The following TENM2 variants were observed in gnomAD, a reference collection of about 807,000 sequenced individuals.
TENM2 encodes the protein teneurin transmembrane protein 2.
TENM2 carries 52 observed loss-of-function variants against 245.2 expected under a neutral mutation model. The ratio of observed to expected loss-of-function variants is 0.21; its 90% CI spans 0.17 to 0.27. TENM2 has a LOEUF of 0.27. Ranked by LOEUF, TENM2 falls within the 10% of genes least tolerant of loss-of-function variation. The pLI is 1.00. For synonymous variants in TENM2, 1,363 were observed against 1,438.9 expected (o/e 0.95, Z 1.19); for missense variants, 3,046 against 3,666.8 (o/e 0.83, Z 4.37).
chr5:167,181,468 GT>G, the TENM2 span, among the ~76,000 whole-genome samples: 19 of 111,580 alleles, frequency 1.7e-4, no homozygotes, highest in African/African-American at 7.9e-4. Context: ...CCGCTCGTTT[GT>G]GTGTGTGTGT....
At chr5:167,222,678 A>G in the TENM2 span, among the ~76,000 whole-genome samples, 1 of 152,192 alleles carries the variant, frequency 6.6e-6, no homozygotes, top group Non-Finnish European at 1.5e-5. Context: ...TGCACAATAA[A>G]TTTATAGTCT....
At chr5:168,042,470 A>T in intron 5 of TENM2, among the ~76,000 whole-genome samples, 1 of 152,006 alleles carries the variant, frequency 6.6e-6, no homozygotes, top group East Asian at 1.9e-4. Flanking sequence ...GCCAATGAAC[A>T]CAGAAGGTTC....
intron 1 of TENM2, among the ~76,000 whole-genome samples, chr5:167,331,235 C>CAA (rs34787036): frequency 0.015 from 1,243 of 85,258 alleles, 51 homozygotes; most frequent in African/African-American, 0.044. Flanking sequence ...GACTCTGTCT[C>CAA]AAAAAAAAAA....
intron 10 of TENM2, among the ~76,000 whole-genome samples, chr5:168,123,434 C>T (rs3101759): frequency 0.86 from 131,151 of 152,296 alleles, 56,925 homozygotes; most frequent in East Asian, 0.98. Flanking sequence ...CTGAATATAA[C>T]AGTGAATTAT....
At chr5:167,043,737 C>T in the TENM2 span, among the ~76,000 whole-genome samples, 4 of 152,132 alleles carry the variant, frequency 2.6e-5, no homozygotes, top group Admixed American at 6.6e-5. Flanking sequence ...CTAAGCCGGG[C>T]GCGGTGGCTC....
At chr5:168,072,099 C>G (rs1791059827) in intron 7 of TENM2, among the ~76,000 whole-genome samples, 1 of 152,210 alleles carries the variant, frequency 6.6e-6, no homozygotes, top group Admixed American at 6.5e-5. Flanking sequence ...ACAGCCAGCC[C>G]ACATTGGGCC....
chr5:167,929,082 A>G (rs191121661), intron 3 of TENM2, among the ~76,000 whole-genome samples: 1 of 116,832 alleles, frequency 8.6e-6, no homozygotes, highest in Non-Finnish European at 1.7e-5. Flanking sequence ...AGAAAGAAAG[A>G]AAGAAAGAAA....
chr5:167,189,533 C>G, the TENM2 span, among the ~76,000 whole-genome samples: 1 of 148,436 alleles, frequency 6.7e-6, no homozygotes, highest in Non-Finnish European at 1.5e-5. Context: ...TTCTCTCTTT[C>G]TTTCGTTCTC....
rs79314334 is a variant in TENM2, at chr5:167,447,213, C to G, written c.502+71740C>G. ...GCCTCAATTTCTATCCTATGAAATA[C>G]AGATAGCAAATCCCATTCTAAAGAT... On this transcript the variant is annotated intron_variant, in intron 2 of 28. Transcript: ENST00000518659. Among the ~76,000 whole-genome samples the G allele has an allele frequency of 5.9e-3, 896 of 152,284 alleles. 9 individuals carry two copies. Among genetic ancestry groups the G allele is most frequent in the African/African-American group, 0.02 (827 of 41,572 alleles).
intron 2 of TENM2, among the ~76,000 whole-genome samples, chr5:167,533,869 G>T (rs1230225245): frequency 6.6e-6 from 1 of 152,146 alleles, no homozygotes; most frequent in Non-Finnish European, 1.5e-5. Flanking sequence ...AATAAAAATT[G>T]ACAGCATGGT....
At chr5:167,996,435 G>C (rs1254582096) in intron 5 of TENM2, among the ~76,000 whole-genome samples, 1 of 152,138 alleles carries the variant, frequency 6.6e-6, no homozygotes, top group African/African-American at 2.4e-5. Flanking sequence ...TCAGGCCCTG[G>C]CACAAACAAT....
chr5:167,455,736 G>A (rs1477244792), intron 2 of TENM2, among the ~76,000 whole-genome samples: 1 of 152,098 alleles, frequency 6.6e-6, no homozygotes, highest in African/African-American at 2.4e-5. Flanking sequence ...TAGCTTTTAA[G>A]TTGTCATTGA....
At chr5:168,037,199 T>C (rs1303238254) in intron 5 of TENM2, among the ~76,000 whole-genome samples, 1 of 152,210 alleles carries the variant, frequency 6.6e-6, no homozygotes, top group East Asian at 1.9e-4. Context: ...GAAAAAATCT[T>C]GAGCTAACCA....
the TENM2 span, among the ~76,000 whole-genome samples, chr5:166,999,748 T>G: frequency 2.6e-5 from 4 of 152,016 alleles, no homozygotes; most frequent in Non-Finnish European, 5.9e-5. Context: ...AAGTCCGATT[T>G]TGATTTTGAG....
chr5:167,870,561 A>ATG (rs1772720598), intron 2 of TENM2, among the ~76,000 whole-genome samples: 2 of 142,012 alleles, frequency 1.4e-5, no homozygotes, highest in African/African-American at 5.4e-5. Context: ...ATACATATAT[A>ATG]TATATATATG....
At chr5:168,072,249 C>T (rs372575197) in intron 7 of TENM2, among the ~76,000 whole-genome samples, 1 of 152,074 alleles carries the variant, frequency 6.6e-6, no homozygotes, top group South Asian at 2.1e-4. Context: ...TTCTTCTGGC[C>T]CTATGGTGCA....
At chr5:167,323,429 G>A (rs1358559191) in intron 1 of TENM2, among the ~76,000 whole-genome samples, 1 of 152,112 alleles carries the variant, frequency 6.6e-6, no homozygotes. Flanking sequence ...TATAATATGT[G>A]TGTTATATGT....
chr5:168,248,802 A>T (rs751415517), intron 27 of TENM2, among the ~76,000 whole-genome samples: 1 of 152,192 alleles, frequency 6.6e-6, no homozygotes, highest in African/African-American at 2.4e-5. Flanking sequence ...AAACCATCCT[A>T]CAGAGTGATC....
the TENM2 span, among the ~76,000 whole-genome samples, chr5:167,108,242 C>T: frequency 3.3e-5 from 5 of 152,168 alleles, no homozygotes; most frequent in Admixed American, 1.3e-4. Context: ...TCTCATGCCT[C>T]AGTGTCCTGA....
Sources: gnomAD v4.1 joint callset for allele counts (sites outside exome capture counted in the v4.1 genomes callset) on GRCh38, gnomAD v4.1.1 for gene constraint, MANE v1.5 for transcripts, NCBI Gene and HGNC (gene_info 2026-07-23, HGNC 2026-07-21) for gene names.